RBP7: variants seen among roughly 807,000 people sequenced by gnomAD.
RBP7 encodes retinoid-binding protein 7.
A neutral mutation model predicts 16.7 loss-of-function variants in RBP7; 13 were observed. The observed-to-expected ratio is 0.78, with a 90% CI of 0.51 to 1.24. The LOEUF is 1.24. RBP7 is among the 50% of genes most tolerant of loss of function. The pLI, the probability that RBP7 is intolerant of heterozygous loss-of-function variation, is 0.00. For synonymous variants in RBP7, 54 were observed against 56.2 expected, an observed-to-expected ratio of 0.96 and a Z score of 0.17; for missense variants, 145 against 159.5, an observed-to-expected ratio of 0.91 and a Z score of 0.49.
rs759611587 is a variant in RBP7, at chr1:10,007,570, G to A, written c.74G>A (p.Gly25Asp). The A allele has an allele frequency of 6.3e-7, 1 of 1,590,790 alleles. No homozygotes were observed. The highest frequency in any genetic ancestry group is 8.6e-7 in the Non-Finnish European group (1 of 1,168,968). Reference protein sequence around the residue: ...DNFEGYMLALGIDFATRKIAK... With the variant: ...DNFEGYMLALDIDFATRKIAK... ...AATATTTTTAAAAATTATTTTTAAG[G>A]TATTGACTTTGCCACTCGTAAAATA... Residue 25 changes from glycine (G) to aspartate (D), a missense_variant and splice_region_variant, in exon 2 of 4, where the codon GGT (glycine) becomes GAT (aspartate). Physicochemically the swap from Gly to Asp is moderately conservative, Grantham distance 94. Transcript: ENST00000294435.
At position 10,007,726 on chromosome 1, in the gene RBP7, G is replaced by T. The variant is rs1229690311; in HGVS notation, c.230G>T (p.Gly77Val). ...GAAGAATTTGATGAAGATAACAGAG[G>T]CCTGGACAACAGAAAATGCAAGGTA... Reference protein sequence around the residue: ...VGEEFDEDNRGLDNRKCKSLV... With the variant: ...VGEEFDEDNRVLDNRKCKSLV... Residue 77 changes from glycine to valine, a missense_variant, in exon 2 of 4, where the codon GGC becomes GTC. Physicochemically the swap from Gly to Val is moderately radical, Grantham distance 109. Transcript: ENST00000294435. The T allele has an allele frequency of 6.2e-7, 1 of 1,612,284 alleles. No homozygotes were observed. Among genetic ancestry groups the T allele is most frequent in the Non-Finnish European group, 8.5e-7 (1 of 1,179,586 alleles).
In RBP7 at chr1:9,997,564, C is replaced by T. The variant is rs1445443443; in HGVS notation, c.73+233C>T. Among the ~76,000 whole-genome samples, 11 of 152,008 alleles carry T rather than the reference C, an allele frequency of 7.2e-5. No homozygotes were observed. The highest frequency in any genetic ancestry group is 2.7e-4 in the African/African-American group (11 of 41,406). ...GTCCTTTCCCGCGCCCACCCGCCCC[C>T]CTGTCCCCACGGCCGTCTCTCCACG... On this transcript the variant is annotated intron_variant, in intron 1 of 3. Transcript: ENST00000294435. The surrounding 1 kb of genome is among the most constrained non-coding windows in gnomAD (Gnocchi z 5.9).
At chr1:9,999,051 T>C (rs1557482974) in intron 1 of RBP7, among the ~76,000 whole-genome samples, 1 of 152,112 alleles carries the variant, frequency 6.6e-6, no homozygotes, top group African/African-American at 2.4e-5. Flanking sequence ...AATTGAATCA[T>C]GGGGTAGTTT....
At chr1:10,006,482 C>A (rs1377938951) in intron 1 of RBP7, among the ~76,000 whole-genome samples, 1 of 151,974 alleles carries the variant, frequency 6.6e-6, no homozygotes, top group African/African-American at 2.4e-5. Context: ...TGCACTTCAG[C>A]CTGGGTGACA....
At position 10,007,623 on chromosome 1, in the gene RBP7, A is replaced by G; in HGVS notation, c.127A>G (p.Ile43Val). Residue 43 changes from isoleucine (I) to valine (V), a missense_variant, in exon 2 of 4, where the codon ATT (isoleucine) becomes GTT (valine). Ile to Val is a conservative substitution (Grantham distance 29). Transcript: ENST00000294435. The part of the protein sequence containing the change: ...IAKLLKPQKV[I>V]EQNGDSFTIH... ...CAAGTTGCTGAAGCCACAGAAAGTG[A>G]TTGAGCAGAATGGGGATTCTTTTAC... 1 of 1,614,008 alleles carries G rather than the reference A, an allele frequency of 6.2e-7. No individual in the cohort carries two copies. Among genetic ancestry groups the G allele is most frequent in the South Asian group, 1.1e-5 (1 of 91,064 alleles).
intron 1 of RBP7, chr1:10,007,024 G>A (rs867240942): frequency 2.8e-5 from 11 of 389,058 alleles, no homozygotes; most frequent in African/African-American, 6.6e-5. Context: ...TTGGCTCACT[G>A]CAACCTCCGC....
At chr1:10,002,176 C>T (rs1255660921) in intron 1 of RBP7, among the ~76,000 whole-genome samples, 1 of 152,108 alleles carries the variant, frequency 6.6e-6, no homozygotes, top group Non-Finnish European at 1.5e-5. Context: ...CCCACATTGC[C>T]TTGAGATTAG....
rs116285916 is a variant in RBP7, at chr1:10,014,901, A to G, written c.355-881A>G. Among the ~76,000 whole-genome samples, 883 of 152,170 alleles carry G rather than the reference A, an allele frequency of 5.8e-3. 4 individuals carry two copies. Among genetic ancestry groups the G allele is most frequent in the Middle Eastern group, 0.01 (3 of 294 alleles). ...TCTCGTGAGACTGCATCCTTAACCT[A>G]TGCAGTCTGTGCTAACTCTGGGTAG... On this transcript the variant is annotated intron_variant, in intron 3 of 3. Coordinates refer to ENST00000294435, the MANE Select transcript of RBP7 (RefSeq NM_052960.3).
intron 3 of RBP7, among the ~76,000 whole-genome samples, chr1:10,013,537 A>T (rs1448311614): frequency 2.0e-5 from 3 of 151,988 alleles, no homozygotes; most frequent in Non-Finnish European, 1.5e-5. Flanking sequence ...GGCTGGGGGC[A>T]GTGGCTCATA....
chr1:10,015,343 G>A (rs1642747184), intron 3 of RBP7, among the ~76,000 whole-genome samples: 1 of 151,928 alleles, frequency 6.6e-6, no homozygotes, highest in Non-Finnish European at 1.5e-5. Context: ...AGGAGGCCGA[G>A]GCAGAAGAAT....
At chr1:9,999,312 T>G (rs1441304171) in intron 1 of RBP7, among the ~76,000 whole-genome samples, 1 of 152,016 alleles carries the variant, frequency 6.6e-6, no homozygotes, top group Admixed American at 6.6e-5. Flanking sequence ...TTTGGGAGGC[T>G]GAGGCGGGTG....
intron 1 of RBP7, among the ~76,000 whole-genome samples, chr1:10,003,792 G>A (rs1642343455): frequency 6.6e-6 from 1 of 152,082 alleles, no homozygotes; most frequent in Admixed American, 6.6e-5. Flanking sequence ...TTCTTGCTCT[G>A]TCACCTAGGC....
chr1:9,997,287 C>A lies in RBP7; in HGVS notation c.29C>A (p.Thr10Asn), dbSNP rs1269428207. ...CCCGCCGACCTCAGCGGTACTTGGA[C>A]CCTGCTCAGCAGCGACAACTTCGAG... MPADLSGTW[T>N]LLSSDNFEGY... is the part of the protein sequence containing the mutation. The change falls in exon 1 of 4, where the codon ACC becomes AAC. Residue 10 changes from threonine (T) to asparagine (N), a missense_variant. By Grantham distance (65) the Thr-to-Asn change is moderately conservative. Transcript: ENST00000294435. This position sits in a 1 kb window ranked among gnomAD's most constrained non-coding sequence, Gnocchi z 5.9. The A allele has an allele frequency of 6.2e-7, 1 of 1,610,994 alleles. No homozygotes were observed. Among genetic ancestry groups the A allele is most frequent in the Non-Finnish European group, 8.5e-7 (1 of 1,179,056 alleles).
chr1:9,998,387 T>TTTTC (rs34027227), intron 1 of RBP7, among the ~76,000 whole-genome samples: 51,026 of 125,984 alleles, frequency 0.41, 12,684 homozygotes, highest in Non-Finnish European at 0.52. Context: ...TGTTTTCTTT[T>TTTTC]TTTCTTTCTT....
At chr1:10,004,644 G>A (rs1642389015) in intron 1 of RBP7, among the ~76,000 whole-genome samples, 1 of 152,214 alleles carries the variant, frequency 6.6e-6, no homozygotes, top group African/African-American at 2.4e-5. Context: ...ACAGGCATGA[G>A]CAACCGTGCC....
intron 1 of RBP7, among the ~76,000 whole-genome samples, chr1:10,000,402 C>T (rs1642243432): frequency 6.6e-6 from 1 of 151,578 alleles, no homozygotes; most frequent in Non-Finnish European, 1.5e-5. Context: ...GGCATGGTGG[C>T]TCATGCCTGT....
chr1:10,008,180 T>C lies in RBP7; in HGVS notation c.260T>C (p.Val87Ala). The C allele has an allele frequency of 1.9e-6, 3 of 1,606,096 alleles. No homozygotes were observed. The highest frequency in any genetic ancestry group is 8.5e-7 in the Non-Finnish European group (1 of 1,172,988). The part of the protein sequence containing the change: ...GLDNRKCKSL[V>A]IWDNDRLTCI... ...TCTCCTCTCTTCATGCAGAGTTTGG[T>C]TATCTGGGACAATGACAGGCTCACC... Residue 87 changes from valine (V) to alanine (A), a missense_variant, in exon 3 of 4, where the codon GTT becomes GCT. Physicochemically the swap from Val to Ala is moderately conservative, Grantham distance 64. Transcript: ENST00000294435.
chr1:10,005,688 C>T (rs1642422672), intron 1 of RBP7, among the ~76,000 whole-genome samples: 1 of 151,558 alleles, frequency 6.6e-6, no homozygotes, highest in African/African-American at 2.4e-5. Flanking sequence ...CACAGTCTCC[C>T]GAGTAGCTGG....
intron 3 of RBP7, among the ~76,000 whole-genome samples, 193 bp downstream of exon 3, chr1:10,008,467 A>G (rs1252040705): frequency 1.4e-5 from 2 of 138,224 alleles, no homozygotes; most frequent in Non-Finnish European, 1.5e-5. Flanking sequence ...TTTGAGATGG[A>G]GTATCGCTGT....
Sources: allele counts gnomAD v4.1 joint callset (sites outside exome capture counted in the v4.1 genomes callset), GRCh38; gene constraint gnomAD v4.1.1; non-coding constraint Gnocchi (gnomAD v3.1); transcripts MANE v1.5; gene names NCBI Gene and HGNC (gene_info 2026-07-23, HGNC 2026-07-21).